PCDH18: variants seen among roughly 807,000 people sequenced by gnomAD.
PCDH18 encodes the protein protocadherin 18.
A neutral mutation model predicts 71.5 loss-of-function variants in PCDH18; 38 were observed. That is an observed-to-expected ratio of 0.53 (90% CI 0.41 to 0.70). PCDH18 has a LOEUF of 0.70. Ranked by LOEUF, PCDH18 falls within the 30% of genes least tolerant of loss-of-function variation. PCDH18 has a pLI of 0.00. For synonymous variants in PCDH18, 565 were observed against 505.4 expected (o/e 1.12, Z -1.58); for missense variants, 1,334 against 1,384.6 (o/e 0.96, Z 0.58).
intron 1 of PCDH18, chr4:137,529,352 C>A: frequency 2.6e-6 from 1 of 384,898 alleles, no homozygotes; most frequent in South Asian, 7.7e-5. Context: ...ATTACATAGT[C>A]CTTTGTGACC....
chr4:137,532,448 C>T lies in PCDH18; in HGVS notation c.-360G>A. The T allele has an allele frequency of 1.5e-6, 1 of 657,498 alleles. No individual in the cohort carries two copies. The highest frequency in any genetic ancestry group is 1.6e-5 in the South Asian group (1 of 60,760). 40.7% of individuals were successfully genotyped at this position (657,498 alleles called of 1,614,324 possible). ...GCGATTCTTTCTCCCTTTAGCTGCTCGGCTGCAGACTAAACACCCGTGATT... is the reference window on the plus strand; with the variant it reads ...GCGATTCTTTCTCCCTTTAGCTGCTTGGCTGCAGACTAAACACCCGTGATT... On this transcript the variant is annotated 5_prime_UTR_variant, in exon 1 of 4. Transcript: ENST00000344876.
intron 3 of PCDH18, among the ~76,000 whole-genome samples, chr4:137,524,560 T>C (rs1470296577): frequency 6.6e-6 from 1 of 152,128 alleles, no homozygotes; most frequent in African/African-American, 2.4e-5. Flanking sequence ...CTTTGAAAGA[T>C]GAATAGGATT....
At chr4:137,523,938 G>A (rs767923255) in intron 3 of PCDH18, among the ~76,000 whole-genome samples, 12 of 152,106 alleles carry the variant, frequency 7.9e-5, no homozygotes, top group African/African-American at 2.4e-4. Flanking sequence ...ATGGAGGGAA[G>A]GATGGCAAAA....
intron 1 of PCDH18, 47 bp from the exon 2 acceptor site, chr4:137,528,867 A>G (rs1470067871): frequency 1.6e-6 from 2 of 1,250,388 alleles, no homozygotes; most frequent in African/African-American, 3.0e-5. Context: ...AAGCCTCCAA[A>G]CACTCACAAT....
In PCDH18 at chr4:137,532,267, T is replaced by G; in HGVS notation, c.-179A>C. 1.4e-6 allele frequency: 1 copy of G among 706,588 alleles called. No homozygotes were observed. Among genetic ancestry groups the G allele is most frequent in the Non-Finnish European group, 2.6e-6 (1 of 387,676 alleles). The allele number at this position is 706,588 out of a possible 1,614,324, so 43.8% of individuals were successfully genotyped here. A position where few individuals can be genotyped will look rare whatever the true frequency, so the allele number is the denominator to read the frequency against. The stretch of plus-strand genomic sequence containing the variant: ...GTTTTATACACACCGTGTCACGACT[T>G]CCAGATACCTTCGGCATGGAGTCCA... On this transcript the variant is annotated 5_prime_UTR_variant, in exon 1 of 4. Coordinates refer to ENST00000344876, the MANE Select transcript of PCDH18 (RefSeq NM_019035.5).
At chr4:137,525,778 A>T (rs1344943010) in intron 3 of PCDH18, among the ~76,000 whole-genome samples, 1 of 152,132 alleles carries the variant, frequency 6.6e-6, no homozygotes, top group African/African-American at 2.4e-5. Context: ...GTTGTAACAC[A>T]ATGTTATGCA....
chr4:137,528,073 T>G (rs1731530886), intron 3 of PCDH18, among the ~76,000 whole-genome samples: 1 of 152,164 alleles, frequency 6.6e-6, no homozygotes, highest in Non-Finnish European at 1.5e-5. Context: ...CAAATTACAG[T>G]CCGGTTCACC....
In PCDH18 at chr4:137,530,399, G is replaced by A. The variant is rs1186479390; in HGVS notation, c.1690C>T (p.Leu564Phe). 1.3e-5 allele frequency: 21 copies of A among 1,614,100 alleles called. No homozygotes were observed. Among genetic ancestry groups the A allele is most frequent in the Non-Finnish European group, 1.8e-5 (21 of 1,180,000 alleles). Residue 564 changes from leucine to phenylalanine, a missense_variant, in exon 1 of 4, where the codon CTC (leucine) becomes TTC (phenylalanine). Transcript: ENST00000344876. ...KQLVSNTTVV[L>F]TIIDENDNVP... is the part of the protein sequence containing the mutation. ...TTGTCATTTTCGTCAATGATGGTGA[G>A]CACAACTGTGGTATTGCTTACCAGT...
At chr4:137,528,918 T>G in intron 1 of PCDH18, 98 bp from the exon 2 acceptor site, 2 of 845,106 alleles carry the variant, frequency 2.4e-6, no homozygotes, top group South Asian at 2.7e-5. Context: ...TTCAACTAAG[T>G]AATTGAATAT....
intron 1 of PCDH18, chr4:137,529,208 T>A (rs2149215320): frequency 3.9e-6 from 1 of 255,344 alleles, no homozygotes; most frequent in East Asian, 8.3e-5. Context: ...TGGACAAACA[T>A]AGCATGCATT....
In PCDH18 at chr4:137,529,997, C is replaced by T. The variant is rs1261261197; in HGVS notation, c.2092G>A (p.Val698Ile). ...MTSVSQASLD[V>I]SMIIIISLGA... Reference sequence around the variant, plus strand: ...AAGGAAATAATTATTATCATGGAGACATCCAAGGATGCCTGGCTTACTGAA... The same window carrying T: ...AAGGAAATAATTATTATCATGGAGATATCCAAGGATGCCTGGCTTACTGAA... Residue 698 changes from valine to isoleucine, a missense_variant, in exon 1 of 4, where the codon GTC becomes ATC. Coordinates refer to ENST00000344876, the MANE Select transcript of PCDH18 (RefSeq NM_019035.5). The T allele has an allele frequency of 6.2e-7, 1 of 1,613,976 alleles. No individual in the cohort carries two copies. Among genetic ancestry groups the T allele is most frequent in the South Asian group, 1.1e-5 (1 of 91,072 alleles).
chr4:137,529,457 T>A (rs1731579791), intron 1 of PCDH18, 145 bp downstream of exon 1: 1 of 566,218 alleles, frequency 1.8e-6, no homozygotes, highest in African/African-American at 1.9e-5. Flanking sequence ...CTTTGCTACA[T>A]ATTCACAATG....
rs564918894 is a variant in PCDH18 at position 137,521,764 on chromosome 4, C to T, written c.2741-68G>A. 114 of 1,191,200 alleles carry T rather than the reference C, an allele frequency of 9.6e-5. No homozygotes were observed. In the African/African-American group the frequency reaches 1.5e-3, roughly 16 times the overall value. 73.8% of individuals were successfully genotyped at this position (1,191,200 alleles called of 1,614,324 possible). ...CACGATTCAAAATGATGCAAAAATG[C>T]AATTTTATAATAAAAATAGAATGAG... is the stretch of plus-strand genomic sequence containing the variant. On this transcript the variant is annotated intron_variant, in intron 3 of 3. Transcript: ENST00000344876.
In PCDH18 at chr4:137,530,634, G is replaced by C. The variant is rs1731647646; in HGVS notation, c.1455C>G (p.Thr485=). 2 of 1,613,834 alleles carry C rather than the reference G, an allele frequency of 1.2e-6. No individual in the cohort carries two copies. The highest frequency in any genetic ancestry group is 1.7e-5 in the Admixed American group (1 of 59,980). ...SENNSPGAYI[T]TVTATDPDLG... Reference sequence around the variant, plus strand: ...GATCAGGATCTGTGGCTGTAACAGTGGTGATATATGCCCCTGGTGAGTTAT... The same window carrying C: ...GATCAGGATCTGTGGCTGTAACAGTCGTGATATATGCCCCTGGTGAGTTAT... Residue 485 remains threonine (T), a synonymous_variant, in exon 1 of 4, where the codon ACC becomes ACG. Coordinates refer to ENST00000344876, the MANE Select transcript of PCDH18 (RefSeq NM_019035.5).
Position 137,530,118 on chromosome 4 carries a change from G to T in PCDH18, c.1971C>A (p.Ile657=). The change falls in exon 1 of 4, where the codon ATC becomes ATA. Residue 657 remains isoleucine (I), a synonymous_variant. Transcript: ENST00000344876. ...GCTGAGGATTGCCTTTGTCCTGAAT[G>T]ATAACTGACAGCTCCCATTCTGTGT... The part of the protein sequence containing the change: ...VPYTEWELSV[I]IQDKGNPQLH... 6.2e-7 allele frequency: 1 copy of T among 1,613,232 alleles called. No homozygotes were observed. Among genetic ancestry groups the T allele is most frequent in the East Asian group, 2.2e-5 (1 of 44,840 alleles).
rs112363003 is a variant in PCDH18, at chr4:137,525,447, C to T, written c.2740+3031G>A. Among the ~76,000 whole-genome samples the T allele has an allele frequency of 3.3e-5, 5 of 152,122 alleles. No homozygotes were observed. The East Asian group carries it at 9.6e-4, about 29-fold the overall frequency. Reference sequence around the variant, plus strand: ...TTAATGGCATTCAGATGTGGACTTACATTTTTCTCTACTTGGGATATTTTC... The same window carrying T: ...TTAATGGCATTCAGATGTGGACTTATATTTTTCTCTACTTGGGATATTTTC... On this transcript the variant is annotated intron_variant, in intron 3 of 3. Coordinates refer to ENST00000344876, the MANE Select transcript of PCDH18 (RefSeq NM_019035.5).
chr4:137,522,076 CA>C lies in PCDH18; in HGVS notation c.2741-381del, dbSNP rs1731318054. ...GGTGAAACCTATAACTTTAGAATGC[CA>C]CCCATTAATTCTTGTGTAATACATA... On this transcript the variant is annotated intron_variant, in intron 3 of 3. Transcript: ENST00000344876. 2.0e-5 allele frequency among the ~76,000 whole-genome samples: 3 copies of C among 152,258 alleles called. No individual in the cohort carries two copies. The South Asian group carries it at 6.2e-4, about 32-fold the overall frequency.
intron 3 of PCDH18, among the ~76,000 whole-genome samples, chr4:137,523,570 T>G (rs887411767): frequency 6.6e-6 from 1 of 152,176 alleles, no homozygotes; most frequent in African/African-American, 2.4e-5. Flanking sequence ...CCTCTTCATT[T>G]ATTTCATTTA....
At chr4:137,526,958 T>TAAAAAAAAAAAAAAAA (rs750084137) in intron 3 of PCDH18, among the ~76,000 whole-genome samples, 1 of 127,730 alleles carries the variant, frequency 7.8e-6, no homozygotes, top group Non-Finnish European at 1.7e-5. Context: ...TTCCAAATCT[T>TAAAAAAAAAAAAAAAA]AAAAAAAAAA....
Sources: gnomAD v4.1 joint callset for allele counts (sites outside exome capture counted in the v4.1 genomes callset) on GRCh38, gnomAD v4.1.1 for gene constraint, MANE v1.5 for transcripts, NCBI Gene and HGNC (gene_info 2026-07-23, HGNC 2026-07-21) for gene names.